Variants in GRIK2 observed in about 807,000 individuals in gnomAD.
GRIK2 encodes glutamate ionotropic receptor kainate type subunit 2.
In GRIK2, 32 loss-of-function variants were observed where a neutral mutation model predicts 100.3. That is an observed-to-expected ratio of 0.32 (90% CI 0.24 to 0.43). The LOEUF (loss-of-function observed/expected upper bound fraction) is 0.43. GRIK2 is among the 20% of genes least tolerant of loss of function. The probability of loss-of-function intolerance (pLI) is 1.00; values close to 1 mark genes in which losing one functional copy is unlikely to be tolerated. For missense variants in GRIK2, 843 were observed against 1,114.9 expected, an observed-to-expected ratio of 0.76 and a Z score of 3.47; for synonymous variants, 417 against 389.4, an observed-to-expected ratio of 1.07 and a Z score of -0.83.
At chr6:101,917,745 T>G (rs1304379184) in intron 12 of GRIK2, among the ~76,000 whole-genome samples, 1 of 151,624 alleles carries the variant, frequency 6.6e-6, no homozygotes, top group African/African-American at 2.4e-5. Flanking sequence ...AATACAGAAG[T>G]AACAATTGAA....
At chr6:101,417,911 C>A (rs1415583091) in intron 2 of GRIK2, among the ~76,000 whole-genome samples, 3 of 152,216 alleles carry the variant, frequency 2.0e-5, no homozygotes, top group African/African-American at 7.2e-5. Flanking sequence ...CATCCAAAAA[C>A]TTCCCTTTCT....
chr6:101,905,288 T>C (rs1308894177), intron 12 of GRIK2, among the ~76,000 whole-genome samples: 4 of 151,574 alleles, frequency 2.6e-5, no homozygotes, highest in African/African-American at 7.3e-5. Flanking sequence ...GATTATATGG[T>C]CCATCCTGCA....
chr6:101,764,353 T>C (rs1777914819), intron 7 of GRIK2, among the ~76,000 whole-genome samples: 1 of 152,074 alleles, frequency 6.6e-6, no homozygotes, highest in Non-Finnish European at 1.5e-5. Context: ...TCTTGATTAC[T>C]GATGGGGATA....
chr6:101,648,676 C>A (rs978191344), intron 4 of GRIK2, among the ~76,000 whole-genome samples: 3 of 151,666 alleles, frequency 2.0e-5, no homozygotes, highest in South Asian at 2.1e-4. Flanking sequence ...GTTTATCAAC[C>A]CTTGATTTCA....
chr6:101,985,582 A>C (rs1288385560), intron 14 of GRIK2, among the ~76,000 whole-genome samples: 1 of 151,758 alleles, frequency 6.6e-6, no homozygotes, highest in African/African-American at 2.4e-5. Context: ...TTTGTCCATA[A>C]ACGAGGCTCA....
At chr6:101,919,273 A>T (rs185724842) in intron 12 of GRIK2, among the ~76,000 whole-genome samples, 17 of 151,960 alleles carry the variant, frequency 1.1e-4, no homozygotes, top group African/African-American at 4.1e-4. Flanking sequence ...CAGTTTTAGA[A>T]AGTCCGTGAT....
intron 7 of GRIK2, among the ~76,000 whole-genome samples, chr6:101,781,457 G>A (rs1779088377): frequency 1.3e-5 from 2 of 152,230 alleles, no homozygotes; most frequent in South Asian, 4.2e-4. Context: ...TATCAATTTA[G>A]TGTTGCCTAC....
intron 2 of GRIK2, among the ~76,000 whole-genome samples, chr6:101,586,671 C>T (rs961992267): frequency 6.6e-6 from 1 of 151,222 alleles, no homozygotes; most frequent in Admixed American, 6.6e-5. Context: ...AAGTTTGAGA[C>T]GAGCCTGGCC....
At chr6:101,813,262 G>A (rs1222013971) in intron 9 of GRIK2, among the ~76,000 whole-genome samples, 1 of 151,980 alleles carries the variant, frequency 6.6e-6, no homozygotes, top group Non-Finnish European at 1.5e-5. Flanking sequence ...TACATATGAG[G>A]TAGCTCTCAG....
intron 14 of GRIK2, among the ~76,000 whole-genome samples, chr6:101,981,803 A>T (rs186897057): frequency 8.6e-5 from 13 of 151,792 alleles, no homozygotes; most frequent in Admixed American, 8.5e-4. Context: ...AAAGGAGAAG[A>T]AAGTGGAGGT....
In GRIK2 at chr6:101,595,712, G is replaced by GTATATATATATA. The variant is rs1162539380; in HGVS notation, c.116-26236_116-26235insATATATATATAT. Among the ~76,000 whole-genome samples the GTATATATATATA allele has an allele frequency of 4.3e-3, 560 of 131,284 alleles. 4 individuals are homozygous for GTATATATATATA. The highest frequency in any genetic ancestry group is 0.015 in the South Asian group (57 of 3,876). 86.1% of individuals were successfully genotyped at this position (131,284 alleles called of 152,430 possible). On this transcript the variant is annotated intron_variant, in intron 2 of 16. Transcript: ENST00000369134. The stretch of plus-strand genomic sequence containing the variant: ...TGTATATATATATGTGTGTGTGTGT[G>GTATATATATATA]TGTGTGTATATATATATATATATAT...
chr6:101,984,942 C>A (rs977557858), intron 14 of GRIK2, among the ~76,000 whole-genome samples: 4 of 151,572 alleles, frequency 2.6e-5, no homozygotes, highest in Admixed American at 6.6e-5. Context: ...TTCTTCAATG[C>A]CCCATGATCT....
intron 15 of GRIK2, 38 bp from the exon 16 acceptor site, chr6:102,055,292 G>T: frequency 1.3e-6 from 2 of 1,509,142 alleles, no homozygotes; most frequent in South Asian, 1.2e-5. Flanking sequence ...GAAATTTCAG[G>T]TTCCTTGAAA....
At chr6:101,815,729 T>A (rs540479063) in intron 9 of GRIK2, among the ~76,000 whole-genome samples, 3 of 152,258 alleles carry the variant, frequency 2.0e-5, no homozygotes, top group African/African-American at 4.8e-5. Context: ...TTTTTGCCAT[T>A]AAAACAAAAC....
intron 7 of GRIK2, among the ~76,000 whole-genome samples, chr6:101,757,455 TTAGTC>T (rs1256638359): frequency 6.6e-6 from 1 of 152,212 alleles, no homozygotes; most frequent in Admixed American, 6.5e-5. Context: ...TCCTGGATGT[TTAGTC>T]TAGTGAAGCA....
At chr6:101,640,292 T>C (rs1358028337) in intron 4 of GRIK2, among the ~76,000 whole-genome samples, 1 of 152,190 alleles carries the variant, frequency 6.6e-6, no homozygotes, top group Non-Finnish European at 1.5e-5. Context: ...TCTCTGGTTA[T>C]CTTCACTTCT....
intron 2 of GRIK2, among the ~76,000 whole-genome samples, chr6:101,400,874 A>G (rs541598876): frequency 1.3e-5 from 2 of 152,284 alleles, no homozygotes; most frequent in Admixed American, 1.3e-4. Flanking sequence ...TGCTTTTTTC[A>G]TGCCTTTAGA....
In GRIK2 at chr6:101,923,925, C is replaced by CAA. The variant is rs768844963; in HGVS notation, c.1749-655_1749-654dup. Reference sequence around the variant, plus strand: ...GGGGGACAAAGGGAGATTCTGTCTCCAAAAAAAAAAAAAAAAAAAAAACCA... The same window carrying CAA: ...GGGGGACAAAGGGAGATTCTGTCTCCAAAAAAAAAAAAAAAAAAAAAAAACCA... On this transcript the variant is annotated intron_variant, in intron 12 of 16. Coordinates refer to ENST00000369134, the MANE Select transcript of GRIK2 (RefSeq NM_021956.5). Among the ~76,000 whole-genome samples the CAA allele has an allele frequency of 3.6e-3, 218 of 60,440 alleles. 1 individual carries two copies. Among genetic ancestry groups the CAA allele is most frequent in the South Asian group, 0.017 (27 of 1,556 alleles). 39.7% of individuals were successfully genotyped at this position (60,440 alleles called of 152,430 possible). A position where few individuals can be genotyped will look rare whatever the true frequency, so the allele number is the denominator to read the frequency against.
Position 101,928,582 on chromosome 6 carries a change from A to G in GRIK2, c.2035A>G (p.Lys679Glu), listed in dbSNP as rs1461887001. The change falls in exon 14 of 17, where the codon AAG (lysine) becomes GAG (glutamate). Residue 679 changes from lysine to glutamate, a missense_variant. By Grantham distance (56) the Lys-to-Glu change is moderately conservative. Coordinates refer to ENST00000369134, the MANE Select transcript of GRIK2 (RefSeq NM_021956.5). ...DSADDLAKQT[K>E]IEYGAVEDGA... ...TGCTGATGATTTAGCTAAACAAACC[A>G]AGATAGAATATGGAGCAGTAGAGGA... 3 of 1,607,668 alleles carry G rather than the reference A, an allele frequency of 1.9e-6. No homozygotes were observed. The highest frequency in any genetic ancestry group is 2.6e-6 in the Non-Finnish European group (3 of 1,174,124).
Sources: gnomAD v4.1 joint callset for allele counts (sites outside exome capture counted in the v4.1 genomes callset) on GRCh38, gnomAD v4.1.1 for gene constraint, MANE v1.5 for transcripts, NCBI Gene and HGNC (gene_info 2026-07-23, HGNC 2026-07-21) for gene names.